NUDCD2: variants seen among roughly 807,000 people sequenced by gnomAD.
NUDCD2 encodes the protein nudC domain-containing protein 2.
A neutral mutation model predicts 20.8 loss-of-function variants in NUDCD2; 16 were observed. The ratio of observed to expected loss-of-function variants is 0.77; its 90% CI spans 0.52 to 1.17. NUDCD2 has a LOEUF of 1.17. Ranked by LOEUF, NUDCD2 falls within the 50% of genes most tolerant of loss-of-function variation. The pLI, the probability that NUDCD2 is intolerant of heterozygous loss-of-function variation, is 0.00. For synonymous variants in NUDCD2, 87 were observed against 72.8 expected (o/e 1.20, Z -1.00); for missense variants, 199 against 193.9 (o/e 1.03, Z -0.16).
intron 2 of NUDCD2, 35 bp from the exon 3 acceptor site, chr5:163,457,115 TAA>T: frequency 6.6e-7 from 1 of 1,521,382 alleles, no homozygotes; most frequent in Middle Eastern, 1.9e-4. Context: ...CACGCACAAA[TAA>T]ATTAGAGTTC....
chr5:163,455,164 A>G (rs1390542949), intron 3 of NUDCD2, among the ~76,000 whole-genome samples: 1 of 151,666 alleles, frequency 6.6e-6, no homozygotes, highest in East Asian at 1.9e-4. Context: ...AAAAAACAGG[A>G]TAAGGGAAAT....
rs531678833 is a variant in NUDCD2, at chr5:163,460,076, G to A, written c.-26C>T. On this transcript the variant is annotated 5_prime_UTR_variant, in exon 1 of 4. Coordinates refer to ENST00000302764, the MANE Select transcript of NUDCD2 (RefSeq NM_145266.6). ...AATCCAGTCCCTCCCGGCCGCGGCC[G>A]CACCAGGCGGAGCCGAGCGCACGCG... 1.2e-5 allele frequency: 18 copies of A among 1,519,932 alleles called. No individual in the cohort carries two copies. The highest frequency in any genetic ancestry group is 2.2e-5 in the Admixed American group (1 of 44,558). The allele number at this position is 1,519,932 out of a possible 1,614,324, so 94.2% of individuals were successfully genotyped here.
In NUDCD2 at chr5:163,457,095, C is replaced by T. The variant is rs1581179573; in HGVS notation, c.239-15G>A. ...TTTTCTGTCCTCTAAAAAAAAAACA[C>T]ACACACACACACGCACAAATAAATT... On this transcript the variant is annotated splice_polypyrimidine_tract_variant and intron_variant, in intron 2 of 3. Coordinates refer to ENST00000302764, the MANE Select transcript of NUDCD2 (RefSeq NM_145266.6). 5.1e-6 allele frequency: 8 copies of T among 1,561,426 alleles called. No individual in the cohort carries two copies. The highest frequency in any genetic ancestry group is 6.9e-6 in the Non-Finnish European group (8 of 1,156,824).
Position 163,451,923 on chromosome 5 carries a change from C to T in NUDCD2, c.*2044G>A, listed in dbSNP as rs970560934. 1 of 152,204 alleles carries T rather than the reference C, an allele frequency of 6.6e-6. No individual in the cohort carries two copies. The highest frequency in any genetic ancestry group is 2.4e-5 in the African/African-American group (1 of 41,388). 9.4% of individuals were successfully genotyped at this position (152,204 alleles called of 1,614,324 possible). A position where few individuals can be genotyped will look rare whatever the true frequency, so the allele number is the denominator to read the frequency against. ...TAAAAATTAGCCAGGTGTGGCAGCG[C>T]ATGCCTGTAATCCCAGCTACTTGGG... On this transcript the variant is annotated 3_prime_UTR_variant, in exon 4 of 4. Coordinates refer to ENST00000302764, the MANE Select transcript of NUDCD2 (RefSeq NM_145266.6).
Position 163,449,166 on chromosome 5 carries a change from TAAC to T in NUDCD2, c.*4798_*4800del, listed in dbSNP as rs1418949598. 2 of 152,036 alleles carry T rather than the reference TAAC, an allele frequency of 1.3e-5. No homozygotes were observed. The highest frequency in any genetic ancestry group is 6.5e-5 in the Admixed American group (1 of 15,268). 9.4% of individuals were successfully genotyped at this position (152,036 alleles called of 1,614,324 possible). On this transcript the variant is annotated 3_prime_UTR_variant, in exon 4 of 4. Transcript: ENST00000302764. ...AGTTTATGTAGAAAACTTAATGAGTTAACAACAAAATCAGGCAAGAAAAATCAT... is the reference window on the plus strand; with the variant it reads ...AGTTTATGTAGAAAACTTAATGAGTTAACAAAATCAGGCAAGAAAAATCAT...
In NUDCD2 at chr5:163,452,345, G is replaced by C. The variant is rs185992700; in HGVS notation, c.*1622C>G. 5.3e-5 allele frequency: 8 copies of C among 152,238 alleles called. No homozygotes were observed. The South Asian group carries it at 1.7e-3, about 32-fold the overall frequency. 9.4% of individuals were successfully genotyped at this position (152,238 alleles called of 1,614,324 possible). On this transcript the variant is annotated 3_prime_UTR_variant, in exon 4 of 4. Coordinates refer to ENST00000302764, the MANE Select transcript of NUDCD2 (RefSeq NM_145266.6). ...AAATGGCTGATTCTTGGGTTAGGTC[G>C]AGGACAGCATGAGAAGCCTGGTATA...
At chr5:163,459,462 A>G (rs915859352) in intron 1 of NUDCD2, 1 of 152,118 alleles carries the variant, frequency 6.6e-6, no homozygotes, top group African/African-American at 2.4e-5. Flanking sequence ...GTCCTTTCCT[A>G]TATTTATCTA....
rs1423103509 is a variant in NUDCD2, at chr5:163,451,402, A to C, written c.*2565T>G. The C allele has an allele frequency of 1.3e-5, 2 of 152,176 alleles. No individual in the cohort carries two copies. The highest frequency in any genetic ancestry group is 4.8e-5 in the African/African-American group (2 of 41,442). The allele number at this position is 152,176 out of a possible 1,614,324, so 9.4% of individuals were successfully genotyped here. A position where few individuals can be genotyped will look rare whatever the true frequency, so the allele number is the denominator to read the frequency against. On this transcript the variant is annotated 3_prime_UTR_variant, in exon 4 of 4. Coordinates refer to ENST00000302764, the MANE Select transcript of NUDCD2 (RefSeq NM_145266.6). ...TAGGGGCTGGGAGTAGGGTGTGTAG[A>C]GTACAAAGAGAGCACGAGAGTTTTT...
intron 3 of NUDCD2, among the ~76,000 whole-genome samples, chr5:163,456,132 T>G (rs779293629): frequency 8.5e-5 from 13 of 152,156 alleles, no homozygotes; most frequent in Admixed American, 8.5e-4. Context: ...AGATGTTGAA[T>G]AGGCAACCGG....
intron 3 of NUDCD2, among the ~76,000 whole-genome samples, chr5:163,456,103 A>G (rs911455921): frequency 6.6e-6 from 1 of 152,168 alleles, no homozygotes; most frequent in Non-Finnish European, 1.5e-5. Context: ...AGCTTAATAT[A>G]CATTAGATAG....
chr5:163,457,397 A>G (rs563118051), intron 2 of NUDCD2, among the ~76,000 whole-genome samples, 165 bp downstream of exon 2: 2 of 150,520 alleles, frequency 1.3e-5, no homozygotes, highest in African/African-American at 4.9e-5. Flanking sequence ...CAACTAACTA[A>G]TTTTTTCTCC....
At chr5:163,457,119 T>C (rs1758337472) in intron 2 of NUDCD2, 39 bp from the exon 3 acceptor site, 4 of 1,533,240 alleles carry the variant, frequency 2.6e-6, no homozygotes, top group Middle Eastern at 1.8e-4. Context: ...CACAAATAAA[T>C]TAGAGTTCTT....
intron 3 of NUDCD2, among the ~76,000 whole-genome samples, chr5:163,456,523 T>C (rs1438178388): frequency 1.3e-5 from 2 of 152,084 alleles, no homozygotes; most frequent in Non-Finnish European, 2.9e-5. Context: ...TGATCCTCCA[T>C]TTATGCTAAA....
Position 163,453,937 on chromosome 5 carries a change from A to G in NUDCD2, c.*30T>C, listed in dbSNP as rs1272385188. 3 of 1,284,640 alleles carry G rather than the reference A, an allele frequency of 2.3e-6. No homozygotes were observed. Among genetic ancestry groups the G allele is most frequent in the East Asian group, 2.5e-5 (1 of 40,554 alleles). The allele number at this position is 1,284,640 out of a possible 1,614,324, so 79.6% of individuals were successfully genotyped here. A position where few individuals can be genotyped will look rare whatever the true frequency, so the allele number is the denominator to read the frequency against. On this transcript the variant is annotated 3_prime_UTR_variant, in exon 4 of 4. Transcript: ENST00000302764. ...TCTGATTAAGTTGGCAATATCTGCT[A>G]GGATCCACAGAATGCAGGAAAAAAA...
chr5:163,455,133 G>A (rs1443065915), intron 3 of NUDCD2, among the ~76,000 whole-genome samples: 1 of 150,376 alleles, frequency 6.6e-6, no homozygotes, highest in South Asian at 2.1e-4. Flanking sequence ...TTAAAAGTTG[G>A]TAAGTGACAC....
chr5:163,456,490 C>A (rs976934848), intron 3 of NUDCD2, among the ~76,000 whole-genome samples: 1 of 151,784 alleles, frequency 6.6e-6, no homozygotes, highest in Non-Finnish European at 1.5e-5. Flanking sequence ...AAAAAAGCAA[C>A]AAGAAGAACA....
chr5:163,447,321 T>C lies in NUDCD2; in HGVS notation c.*6646A>G, dbSNP rs897216577. ...CAAAAATTAGCTAGGCATAGTGATA[T>C]ACATCTGTAGTCCTAGGTACTGAGG... On this transcript the variant is annotated 3_prime_UTR_variant, in exon 4 of 4. Transcript: ENST00000302764. 2 of 151,916 alleles carry C rather than the reference T, an allele frequency of 1.3e-5. No individual in the cohort carries two copies. Among genetic ancestry groups the C allele is most frequent in the Non-Finnish European group, 2.9e-5 (2 of 68,038 alleles). The allele number at this position is 151,916 out of a possible 1,614,324, so 9.4% of individuals were successfully genotyped here.
intron 1 of NUDCD2, 56 bp downstream of exon 1, chr5:163,459,806 G>C (rs1758432562): frequency 2.7e-6 from 4 of 1,474,998 alleles, no homozygotes; most frequent in East Asian, 2.3e-5. Context: ...TCAGGGAAAC[G>C]GGGCTGGGGG....
At position 163,447,708 on chromosome 5, in the gene NUDCD2, G is replaced by T. The variant is rs1435334027; in HGVS notation, c.*6259C>A. 2.6e-5 allele frequency: 4 copies of T among 152,048 alleles called. No individual in the cohort carries two copies. The highest frequency in any genetic ancestry group is 5.9e-5 in the Non-Finnish European group (4 of 68,008). 9.4% of individuals were successfully genotyped at this position (152,048 alleles called of 1,614,324 possible). A position where few individuals can be genotyped will look rare whatever the true frequency, so the allele number is the denominator to read the frequency against. ...CTCACCAAGATAAACCACATCATGG[G>T]TCTTAAACCTTAACAAATTTAAAAG... On this transcript the variant is annotated 3_prime_UTR_variant, in exon 4 of 4. Transcript: ENST00000302764.
Sources: allele counts gnomAD v4.1 joint callset (sites outside exome capture counted in the v4.1 genomes callset), GRCh38; gene constraint gnomAD v4.1.1; transcripts MANE v1.5; gene names NCBI Gene and HGNC (gene_info 2026-07-23, HGNC 2026-07-21).